The following RERG variants were observed in gnomAD, a reference collection of about 807,000 sequenced individuals.
RERG encodes ras-related and estrogen-regulated growth inhibitor.
Under a neutral mutation model 23.2 loss-of-function variants are expected in RERG, and 25 were observed. That is an observed-to-expected ratio of 1.08 (90% CI 0.79 to 1.50). RERG has a LOEUF of 1.50. Among genes scored for constraint, RERG ranks in the 40% most tolerant of loss-of-function variants. The pLI is 0.00. For synonymous variants in RERG, 81 were observed against 89.1 expected (o/e 0.91, Z 0.51); for missense variants, 253 against 250.1 (o/e 1.01, Z -0.08).
At chr12:15,157,399 T>A (rs1410839752) in intron 2 of RERG, among the ~76,000 whole-genome samples, 2 of 152,196 alleles carry the variant, frequency 1.3e-5, no homozygotes, top group Non-Finnish European at 2.9e-5. Context: ...GCAAGAAGCT[T>A]GAGAACCAGC....
intron 2 of RERG, among the ~76,000 whole-genome samples, chr12:15,182,906 T>C (rs140367699): frequency 5.3e-5 from 8 of 152,048 alleles, no homozygotes; most frequent in Admixed American, 1.3e-4. Flanking sequence ...GAGACCTTGT[T>C]TCTACAAAAA....
chr12:15,109,703 C>G (rs912916995), intron 4 of RERG, among the ~76,000 whole-genome samples, 186 bp from the exon 5 acceptor site: 2 of 152,178 alleles, frequency 1.3e-5, no homozygotes, highest in African/African-American at 4.8e-5. Flanking sequence ...TCCATCTCAA[C>G]ATATTTCAGG....
At chr12:15,196,580 T>C (rs558275238) in intron 2 of RERG, among the ~76,000 whole-genome samples, 1 of 152,244 alleles carries the variant, frequency 6.6e-6, no homozygotes, top group Admixed American at 6.5e-5. Context: ...AAAAATATGC[T>C]TGGGGTCAAC....
intron 2 of RERG, among the ~76,000 whole-genome samples, chr12:15,206,469 G>C (rs1865292568): frequency 1.3e-5 from 2 of 152,100 alleles, no homozygotes; most frequent in South Asian, 2.1e-4. Flanking sequence ...ACCTCAAATG[G>C]AAATTGAGTA....
chr12:15,165,184 C>T (rs540871371), intron 2 of RERG, among the ~76,000 whole-genome samples: 1 of 152,298 alleles, frequency 6.6e-6, no homozygotes, highest in Non-Finnish European at 1.5e-5. Context: ...CTGCATTAGT[C>T]ATAGCAGCAT....
At chr12:15,208,475 A>G (rs977366566) in intron 2 of RERG, among the ~76,000 whole-genome samples, 3 of 152,204 alleles carry the variant, frequency 2.0e-5, no homozygotes, top group Non-Finnish European at 2.9e-5. Context: ...CAAACTAGAC[A>G]ACATAGTCTA....
intron 2 of RERG, among the ~76,000 whole-genome samples, chr12:15,183,335 C>G (rs1864950335): frequency 6.6e-6 from 1 of 151,642 alleles, no homozygotes; most frequent in Non-Finnish European, 1.5e-5. Flanking sequence ...CAAGAAAGCT[C>G]CAGAATATTG....
At chr12:15,164,754 G>C (rs996759446) in intron 2 of RERG, among the ~76,000 whole-genome samples, 1 of 152,156 alleles carries the variant, frequency 6.6e-6, no homozygotes, top group Non-Finnish European at 1.5e-5. Flanking sequence ...CTCTCCCTCA[G>C]AAATTTGCCA....
rs1865212946 is a variant in RERG, at chr12:15,201,375, G to A, written c.61+16054C>T. 3.3e-5 allele frequency among the ~76,000 whole-genome samples: 5 copies of A among 151,844 alleles called. No individual in the cohort carries two copies. In the South Asian group the frequency reaches 1.0e-3, roughly 32 times the overall value. Reference sequence around the variant, plus strand: ...CTCTGCTGAAATCCCATCACTGCCTGTAAGATCTTGGGCAATTTACTTACT... The same window carrying A: ...CTCTGCTGAAATCCCATCACTGCCTATAAGATCTTGGGCAATTTACTTACT... On this transcript the variant is annotated intron_variant, in intron 2 of 4. Transcript: ENST00000256953.
intron 2 of RERG, among the ~76,000 whole-genome samples, chr12:15,162,973 G>A (rs530981936): frequency 6.6e-6 from 1 of 152,268 alleles, no homozygotes; most frequent in East Asian, 1.9e-4. Context: ...AGATGTTCAG[G>A]TTAAGCCTAG....
intron 2 of RERG, among the ~76,000 whole-genome samples, chr12:15,198,859 G>A (rs771936759): frequency 2.6e-5 from 4 of 152,174 alleles, no homozygotes; most frequent in African/African-American, 4.8e-5. Flanking sequence ...GCCTGGGAAG[G>A]TTCTTCGCCT....
chr12:15,144,289 G>C (rs1243456157), intron 2 of RERG, among the ~76,000 whole-genome samples: 1 of 152,174 alleles, frequency 6.6e-6, no homozygotes, highest in Non-Finnish European at 1.5e-5. Flanking sequence ...GAGTGCAAGA[G>C]TCTGGTGTTG....
intron 2 of RERG, among the ~76,000 whole-genome samples, chr12:15,147,620 T>A (rs1864356901): frequency 6.6e-6 from 1 of 152,232 alleles, no homozygotes. Flanking sequence ...TGACAACTTG[T>A]TTAGGAACAT....
At chr12:15,165,523 C>T (rs1469362099) in intron 2 of RERG, among the ~76,000 whole-genome samples, 1 of 152,190 alleles carries the variant, frequency 6.6e-6, no homozygotes, top group Non-Finnish European at 1.5e-5. Flanking sequence ...GTACTGCCTG[C>T]CCTTGGGCAA....
intron 2 of RERG, among the ~76,000 whole-genome samples, chr12:15,210,075 C>T (rs1057027878): frequency 6.6e-6 from 1 of 152,160 alleles, no homozygotes; most frequent in Non-Finnish European, 1.5e-5. Flanking sequence ...TCAAAAGCAG[C>T]TGTAGCAACA....
At chr12:15,209,046 A>G (rs1427429792) in intron 2 of RERG, among the ~76,000 whole-genome samples, 1 of 152,180 alleles carries the variant, frequency 6.6e-6, no homozygotes, top group East Asian at 1.9e-4. Flanking sequence ...ATGCTGTCAC[A>G]TTCCTCCCTG....
intron 2 of RERG, among the ~76,000 whole-genome samples, chr12:15,141,761 A>T (rs532293460): frequency 6.6e-6 from 1 of 152,354 alleles, no homozygotes; most frequent in East Asian, 1.9e-4. Flanking sequence ...GTGATGACTT[A>T]CAAGCTCGTT....
chr12:15,189,850 G>A (rs1388724264), intron 2 of RERG, among the ~76,000 whole-genome samples: 1 of 152,168 alleles, frequency 6.6e-6, no homozygotes, highest in Non-Finnish European at 1.5e-5. Flanking sequence ...GAAGGCCACA[G>A]CCTCCTGGTT....
chr12:15,217,492 T>C lies in RERG; in HGVS notation c.-3A>G, dbSNP rs377310963. Reference sequence around the variant, plus strand: ...TTGACCTCCGCACTTTTAGCCATGATGGGTGTTGGTAGACAATTTACTGTT... The same window carrying C: ...TTGACCTCCGCACTTTTAGCCATGACGGGTGTTGGTAGACAATTTACTGTT... On this transcript the variant is annotated 5_prime_UTR_variant, in exon 2 of 5. Coordinates refer to ENST00000256953, the MANE Select transcript of RERG (RefSeq NM_032918.3). The C allele has an allele frequency of 6.8e-6, 11 of 1,609,650 alleles. No individual in the cohort carries two copies. The highest frequency in any genetic ancestry group is 2.7e-5 in the African/African-American group (2 of 74,846).
Sources: gnomAD v4.1 joint callset for allele counts (sites outside exome capture counted in the v4.1 genomes callset) on GRCh38, gnomAD v4.1.1 for gene constraint, MANE v1.5 for transcripts, NCBI Gene and HGNC (gene_info 2026-07-23, HGNC 2026-07-21) for gene names.